GARIN2: variants seen among roughly 807,000 people sequenced by gnomAD.
The protein encoded by GARIN2 is Golgi-associated RAB2 interactor protein 2.
chr14:67,218,093 G>T, the GARIN2 span, among the ~76,000 whole-genome samples: 1 of 152,168 alleles, frequency 6.6e-6, no homozygotes, highest in South Asian at 2.1e-4. Flanking sequence ...GGCATCAGTG[G>T]TGCAGCTTTG....
the GARIN2 span, among the ~76,000 whole-genome samples, chr14:67,195,744 T>C: frequency 6.6e-6 from 1 of 151,892 alleles, no homozygotes; most frequent in East Asian, 1.9e-4. Flanking sequence ...TGTGTGTGTG[T>C]GTGTGTGTGT....
the GARIN2 span, among the ~76,000 whole-genome samples, chr14:67,215,272 C>G: frequency 1.3e-5 from 2 of 152,090 alleles, no homozygotes; most frequent in African/African-American, 2.4e-5. Flanking sequence ...AGCTTTCTTC[C>G]AGGACTAGGA....
At chr14:67,225,926 A>AGAGTGTGTGT in the GARIN2 span, among the ~76,000 whole-genome samples, 4 of 136,630 alleles carry the variant, frequency 2.9e-5, no homozygotes, top group Non-Finnish European at 4.7e-5. Context: ...TAATGCTGTG[A>AGAGTGTGTGT]GTGTGTGTGT....
At chr14:67,198,268 G>A in the GARIN2 span, 2 of 1,613,902 alleles carry the variant, frequency 1.2e-6, no homozygotes, top group South Asian at 1.1e-5. Flanking sequence ...TTGGATGGAG[G>A]AGAGTATGCC....
chr14:67,210,234 A>G, the GARIN2 span, among the ~76,000 whole-genome samples: 1 of 152,256 alleles, frequency 6.6e-6, no homozygotes, highest in Admixed American at 6.5e-5. Context: ...AGGAAATAGT[A>G]TGTCGATTTC....
the GARIN2 span, chr14:67,199,052 C>A: frequency 1.3e-6 from 1 of 764,310 alleles, no homozygotes; most frequent in Non-Finnish European, 2.3e-6. Context: ...ATGGCAGGAG[C>A]TCTTTTGCCA....
At chr14:67,190,703 A>T in the GARIN2 span, among the ~76,000 whole-genome samples, 20 of 152,218 alleles carry the variant, frequency 1.3e-4, no homozygotes, top group Non-Finnish European at 2.8e-4. Flanking sequence ...GCATGGGGAT[A>T]TCATTTTCAA....
At chr14:67,215,397 T>A in the GARIN2 span, among the ~76,000 whole-genome samples, 9 of 142,264 alleles carry the variant, frequency 6.3e-5, no homozygotes, top group South Asian at 2.1e-3. Flanking sequence ...CCCAGAACAC[T>A]GATCTATTGT....
chr14:67,220,201 C>T, the GARIN2 span, among the ~76,000 whole-genome samples: 1 of 152,052 alleles, frequency 6.6e-6, no homozygotes, highest in African/African-American at 2.4e-5. Flanking sequence ...TTTGAGAGGC[C>T]CAGGCGGGAG....
the GARIN2 span, among the ~76,000 whole-genome samples, chr14:67,222,295 TTTG>T: frequency 1.1e-4 from 16 of 152,178 alleles, no homozygotes; most frequent in Admixed American, 6.5e-5. Context: ...TGTTTGTTTG[TTTG>T]TTGTTGTTTT....
At chr14:67,197,247 T>C in the GARIN2 span, 1 of 152,208 alleles carries the variant, frequency 6.6e-6, no homozygotes, top group Non-Finnish European at 1.5e-5. Context: ...TTTGATTTTC[T>C]TTTTGTTGTT....
chr14:67,228,381 A>G, the GARIN2 span: 1 of 479,504 alleles, frequency 2.1e-6, no homozygotes, highest in Non-Finnish European at 2.7e-6. Context: ...AATATTCTCT[A>G]TTTCAGACAT....
the GARIN2 span, among the ~76,000 whole-genome samples, chr14:67,194,421 T>A: frequency 6.6e-6 from 1 of 151,858 alleles, no homozygotes; most frequent in East Asian, 1.9e-4. Context: ...TGGTAAAATA[T>A]ACGATGATGA....
At chr14:67,227,995 C>T in the GARIN2 span, among the ~76,000 whole-genome samples, 2 of 151,874 alleles carry the variant, frequency 1.3e-5, no homozygotes, top group African/African-American at 4.8e-5. Context: ...CATGGTGAAA[C>T]CTCATCTCTA....
At chr14:67,213,117 CAGAT>C in the GARIN2 span, among the ~76,000 whole-genome samples, 12 of 147,544 alleles carry the variant, frequency 8.1e-5, no homozygotes, top group Non-Finnish European at 1.2e-4. Flanking sequence ...TTTTACTTCT[CAGAT>C]AGCTGTTCTG....
the GARIN2 span, among the ~76,000 whole-genome samples, chr14:67,206,518 A>C: frequency 5.3e-5 from 8 of 152,152 alleles, no homozygotes; most frequent in Non-Finnish European, 1.2e-4. Context: ...AACAAACAAA[A>C]AAACCTAATT....
chr14:67,198,164 G>T, the GARIN2 span: 1 of 1,542,622 alleles, frequency 6.5e-7, no homozygotes, highest in South Asian at 1.2e-5. Flanking sequence ...CAAGCGCAAT[G>T]AAGAAGAACA....
chr14:67,218,163 G>A, the GARIN2 span, among the ~76,000 whole-genome samples: 1 of 152,222 alleles, frequency 6.6e-6, no homozygotes, highest in African/African-American at 2.4e-5. Flanking sequence ...CATACACACA[G>A]TGGGTTGGCC....
chr14:67,212,626 T>TAA, the GARIN2 span, among the ~76,000 whole-genome samples: 1 of 145,236 alleles, frequency 6.9e-6, no homozygotes, highest in African/African-American at 2.5e-5. Flanking sequence ...TAATATATAT[T>TAA]ATATATAATA....
Sources: gnomAD v4.1 joint callset for allele counts (sites outside exome capture counted in the v4.1 genomes callset) on GRCh38, gnomAD v4.1.1 for gene constraint, MANE v1.5 for transcripts, NCBI Gene and HGNC (gene_info 2026-07-23, HGNC 2026-07-21) for gene names.